The following IKZF4 variants were observed in gnomAD, a reference collection of about 807,000 sequenced individuals.
IKZF4 encodes the protein zinc finger protein Eos.
A neutral mutation model predicts 47.7 loss-of-function variants in IKZF4; 11 were observed. The ratio of observed to expected loss-of-function variants is 0.23; its 90% confidence interval spans 0.15 to 0.38. IKZF4 has a LOEUF of 0.38. Ranked by LOEUF, IKZF4 falls within the 10% of genes least tolerant of loss-of-function variation. The pLI, the probability that IKZF4 is intolerant of heterozygous loss-of-function variation, is 1.00. For missense variants in IKZF4, 557 were observed against 784.9 expected, an observed-to-expected ratio of 0.71 and a Z score of 3.47; for synonymous variants, 298 against 299.4, an observed-to-expected ratio of 1.00 and a Z score of 0.05.
intron 1 of IKZF4, chr12:56,021,854 G>A: frequency 1.9e-6 from 1 of 535,078 alleles, no homozygotes; most frequent in Non-Finnish European, 3.4e-6. Context: ...TAGGCCTTGG[G>A]GATAGAGGTA....
chr12:56,026,577 T>C (rs1029028850), intron 3 of IKZF4, among the ~76,000 whole-genome samples: 1 of 150,992 alleles, frequency 6.6e-6, no homozygotes, highest in African/African-American at 2.4e-5. Flanking sequence ...TAATCCCAGC[T>C]ACTCAGGAGG....
rs759089421 is a variant in IKZF4, at chr12:56,034,888, C to T, written c.1315C>T (p.Arg439Ter). Residue 439 changes from arginine to a stop codon, truncating the protein, a stop_gained, in exon 8 of 8, where the codon CGA (arginine) becomes TGA (stop). Transcript: ENST00000547167. LOFTEE classifies it high-confidence loss of function. ...ADGGPLLYRP[R>*]GPLTDPGASP... The stretch of plus-strand genomic sequence containing the variant: ...TGGAGGTCCCCTCCTCTACCGGCCC[C>T]GAGGCCCCCTGACTGACCCTGGGGC... 2 of 1,607,958 alleles carry T rather than the reference C, an allele frequency of 1.2e-6. No homozygotes were observed. Among genetic ancestry groups the T allele is most frequent in the Admixed American group, 1.7e-5 (1 of 58,824 alleles).
At chr12:56,012,873 A>C (rs1891508481) in intron 2 of IKZF4, among the ~76,000 whole-genome samples, 1 of 152,042 alleles carries the variant, frequency 6.6e-6, no homozygotes, top group Non-Finnish European at 1.5e-5. Context: ...AGTCCCAACT[A>C]CTCATTAGGC....
upstream of IKZF4, chr12:56,018,079 C>A: frequency 8.3e-7 from 1 of 1,199,562 alleles, no homozygotes; most frequent in South Asian, 1.3e-5. Context: ...AAGCCTCCTC[C>A]CTTCCCAGAG....
intron 5 of IKZF4, among the ~76,000 whole-genome samples, chr12:56,031,949 TAG>T (rs1449545611): frequency 1.3e-5 from 2 of 152,070 alleles, no homozygotes; most frequent in African/African-American, 4.8e-5. Flanking sequence ...TATCTCAGCG[TAG>T]AGAGACAGAG....
chr12:56,034,139 G>T (rs1374340602), intron 7 of IKZF4, among the ~76,000 whole-genome samples: 1 of 152,092 alleles, frequency 6.6e-6, no homozygotes, highest in African/African-American at 2.4e-5. Flanking sequence ...CTGACCTCAT[G>T]ATCTGCCCGC....
upstream of IKZF4, among the ~76,000 whole-genome samples, chr12:56,019,909 C>A (rs1273948010): frequency 1.3e-5 from 2 of 152,350 alleles, no homozygotes; most frequent in East Asian, 3.9e-4. Flanking sequence ...GCCAGGAACT[C>A]CTCCTCTGTA....
chr12:56,028,756 T>C (rs908572792), intron 5 of IKZF4, among the ~76,000 whole-genome samples: 45 of 151,968 alleles, frequency 3.0e-4, no homozygotes, highest in Non-Finnish European at 2.9e-4. Context: ...TCTATTTTTT[T>C]GTAGAGACAG....
intron 7 of IKZF4, 33 bp from the exon 8 acceptor site, chr12:56,034,538 A>G (rs1326774339): frequency 1.3e-6 from 2 of 1,554,794 alleles, no homozygotes; most frequent in East Asian, 2.3e-5. Flanking sequence ...GAATTCTCCA[A>G]ACCCAGCCCT....
rs1892834514 is a variant in IKZF4 at position 56,021,100 on chromosome 12, AGGG to A, written c.-392_-390del. The stretch of plus-strand genomic sequence containing the variant: ...AGTTCCTCTTTGTCTGCTGGGCACG[AGGG>A]GCAACAGCATCTGCCTTTCCCTCCC... On this transcript the variant is annotated 5_prime_UTR_variant, in exon 1 of 8. Coordinates refer to ENST00000547167, the MANE Select transcript of IKZF4 (RefSeq NM_022465.4). 3.8e-6 allele frequency: 5 copies of A among 1,331,160 alleles called. No homozygotes were observed. Among genetic ancestry groups the A allele is most frequent in the Non-Finnish European group, 3.8e-6 (4 of 1,039,264 alleles). The allele number at this position is 1,331,160 out of a possible 1,614,324, so 82.5% of individuals were successfully genotyped here. A position where few individuals can be genotyped will look rare whatever the true frequency, so the allele number is the denominator to read the frequency against.
intron 6 of IKZF4, 109 bp from the exon 7 acceptor site, chr12:56,033,081 G>T (rs1365234660): frequency 7.5e-6 from 10 of 1,337,420 alleles, no homozygotes; most frequent in African/African-American, 2.9e-5. Flanking sequence ...CAGGCAACTG[G>T]TATGTCCTTC....
chr12:56,021,140 C>T lies in IKZF4; in HGVS notation c.-354C>T. 1.5e-5 allele frequency: 21 copies of T among 1,408,928 alleles called. No homozygotes were observed. The highest frequency in any genetic ancestry group is 1.9e-5 in the Non-Finnish European group (21 of 1,083,846). 87.3% of individuals were successfully genotyped at this position (1,408,928 alleles called of 1,614,324 possible). Reference sequence around the variant, plus strand: ...TGCCTTTCCCTCCCTGTGCACACACCCACCACCCACCCCCTTCACTGTCTT... The same window carrying T: ...TGCCTTTCCCTCCCTGTGCACACACTCACCACCCACCCCCTTCACTGTCTT... On this transcript the variant is annotated 5_prime_UTR_variant, in exon 1 of 8. Transcript: ENST00000547167.
At chr12:56,027,727 A>G (rs534728976) in intron 4 of IKZF4, 53 bp from the exon 5 acceptor site, 608 of 1,577,354 alleles carry the variant, frequency 3.9e-4, no homozygotes, top group Non-Finnish European at 5.1e-4. Flanking sequence ...GATAGGTTCA[A>G]CCTTCAAAGT....
At chr12:56,030,195 C>T (rs1049422848) in intron 5 of IKZF4, among the ~76,000 whole-genome samples, 3 of 151,922 alleles carry the variant, frequency 2.0e-5, no homozygotes, top group Non-Finnish European at 2.9e-5. Context: ...GCGGGTGGAT[C>T]GCTTGAGCCC....
At chr12:56,016,588 A>C (rs1190155724), upstream of IKZF4, among the ~76,000 whole-genome samples, 5 of 145,458 alleles carry the variant, frequency 3.4e-5, no homozygotes, top group Non-Finnish European at 7.5e-5. Context: ...CCGCCCAGCT[A>C]ATTTTGTTTT....
intron 5 of IKZF4, among the ~76,000 whole-genome samples, chr12:56,028,152 G>A (rs971967463): frequency 1.3e-5 from 2 of 151,978 alleles, no homozygotes; most frequent in African/African-American, 4.8e-5. Flanking sequence ...CACCTTGATG[G>A]GGTATTTTAC....
chr12:56,018,202 G>A, upstream of IKZF4: 2 of 1,288,352 alleles, frequency 1.6e-6, no homozygotes. Flanking sequence ...TGTTCTATTT[G>A]TTAGGGGCTG....
chr12:56,033,722 G>GA (rs1895258491), intron 7 of IKZF4, among the ~76,000 whole-genome samples: 1 of 151,618 alleles, frequency 6.6e-6, no homozygotes, highest in Admixed American at 6.6e-5. Context: ...AAAGAAAAAA[G>GA]AAAAAAGGAA....
chr12:56,031,994 G>A (rs1023890629), intron 5 of IKZF4, among the ~76,000 whole-genome samples: 2 of 152,114 alleles, frequency 1.3e-5, no homozygotes, highest in African/African-American at 4.8e-5. Flanking sequence ...GGCTAGGGCT[G>A]GAGGTCAAAA....
Sources: gnomAD v4.1 joint callset for allele counts (sites outside exome capture counted in the v4.1 genomes callset) on GRCh38, gnomAD v4.1.1 for gene constraint, MANE v1.5 for transcripts, NCBI Gene and HGNC (gene_info 2026-07-23, HGNC 2026-07-21) for gene names.